Variants in R3HCC1L observed in about 807,000 individuals in gnomAD.
R3HCC1L encodes R3H domain and coiled-coil containing 1 like, also known as coiled-coil domain-containing protein R3HCC1L.
A neutral mutation model predicts 59.9 loss-of-function variants in R3HCC1L; 51 were observed. That is an observed-to-expected ratio of 0.85 (90% CI 0.68 to 1.07). The LOEUF (loss-of-function observed/expected upper bound fraction) is 1.07, where lower values mean the gene tolerates loss of function less well. Ranked by LOEUF, R3HCC1L falls within the 50% of genes least tolerant of loss-of-function variation. R3HCC1L has a pLI of 0.00. For missense variants in R3HCC1L, 965 were observed against 933.0 expected (o/e 1.03, Z -0.45); for synonymous variants, 322 against 315.2 (o/e 1.02, Z -0.23).
chr10:98,180,504 G>A (rs1347595842), intron 4 of R3HCC1L, among the ~76,000 whole-genome samples: 7 of 152,174 alleles, frequency 4.6e-5, no homozygotes, highest in Non-Finnish European at 7.3e-5. Flanking sequence ...TGGAATACGT[G>A]CCATGTGGTG....
At chr10:98,192,978 T>G (rs181064068) in intron 4 of R3HCC1L, among the ~76,000 whole-genome samples, 1 of 152,120 alleles carries the variant, frequency 6.6e-6, no homozygotes, top group East Asian at 1.9e-4. Context: ...GCTCAACATA[T>G]GAAAATCAAT....
At chr10:98,227,730 C>A (rs1021472047) in intron 5 of R3HCC1L, among the ~76,000 whole-genome samples, 5 of 152,054 alleles carry the variant, frequency 3.3e-5, no homozygotes, top group East Asian at 1.9e-4. Context: ...ATCCCTCCCC[C>A]CTTCCCCCAC....
intron 2 of R3HCC1L, among the ~76,000 whole-genome samples, chr10:98,156,709 C>A (rs1334867262): frequency 6.6e-6 from 1 of 152,118 alleles, no homozygotes; most frequent in African/African-American, 2.4e-5. Context: ...TTGGTTGGCA[C>A]TTGGGTATTT....
At chr10:98,135,595 G>A (rs1844489115) in intron 1 of R3HCC1L, among the ~76,000 whole-genome samples, 1 of 152,142 alleles carries the variant, frequency 6.6e-6, no homozygotes, top group Non-Finnish European at 1.5e-5. Context: ...AATAAATAGG[G>A]GGAAAGTGTC....
chr10:98,171,782 A>G (rs1458925074), intron 4 of R3HCC1L, among the ~76,000 whole-genome samples: 1 of 152,218 alleles, frequency 6.6e-6, no homozygotes, highest in Non-Finnish European at 1.5e-5. Flanking sequence ...ACTTTGACAC[A>G]ACATTCGATT....
chr10:98,209,239 A>C lies in R3HCC1L; in HGVS notation c.1125A>C (p.Ala375=). The C allele has an allele frequency of 6.2e-7, 1 of 1,613,930 alleles. No individual in the cohort carries two copies. The highest frequency in any genetic ancestry group is 8.5e-7 in the Non-Finnish European group (1 of 1,179,978). ...ATGTAGGTGACATTACCAATAAAGC[A>C]TGTATGATGGACACTACAGGTATGT... ...FKNVGDITNK[A]CMMDTTGMSC... Residue 375 remains alanine, a synonymous_variant, in exon 5 of 10, where the codon GCA becomes GCC. Transcript: ENST00000298999.
rs1250018630 is a variant in R3HCC1L, at chr10:98,231,571, T to C, written c.1845T>C (p.Asn615=). The change falls in exon 6 of 10, where the codon AAT becomes AAC. Residue 615 remains asparagine, a synonymous_variant. Transcript: ENST00000298999. ...SIQEPRSDYY[N]HEVPDIDLSD... The stretch of plus-strand genomic sequence containing the variant: ...AGGAACCTAGATCTGATTACTACAA[T>C]CATGAAGTTCCTGATATTGACCTCA... The C allele has an allele frequency of 1.9e-6, 3 of 1,612,944 alleles. No individual in the cohort carries two copies. The highest frequency in any genetic ancestry group is 1.7e-5 in the Admixed American group (1 of 59,906).
At chr10:98,151,650 CTGTT>C (rs897441694) in intron 1 of R3HCC1L, among the ~76,000 whole-genome samples, 3 of 152,072 alleles carry the variant, frequency 2.0e-5, no homozygotes, top group African/African-American at 4.8e-5. Context: ...TTTTTTAAGA[CTGTT>C]TGGCCTAAAC....
At chr10:98,163,155 A>T (rs1272639553) in intron 3 of R3HCC1L, 138 bp from the exon 4 acceptor site, 1 of 333,316 alleles carries the variant, frequency 3.0e-6, no homozygotes, top group Non-Finnish European at 5.4e-6. Context: ...GTGTGTCTTC[A>T]TTGCACATTC....
In R3HCC1L at chr10:98,210,874, A is replaced by C. The variant is rs73323901; in HGVS notation, c.1785+975A>C. Among the ~76,000 whole-genome samples the C allele has an allele frequency of 1.4e-3, 213 of 152,308 alleles. 1 individual carries two copies. Among genetic ancestry groups the C allele is most frequent in the African/African-American group, 4.9e-3 (202 of 41,562 alleles). On this transcript the variant is annotated intron_variant, in intron 5 of 9. Transcript: ENST00000298999. ...GATGAGTCTTTTGTTCTGAGAATTA[A>C]GCTGGAAGTATAGAAAAATTATCAC...
At chr10:98,215,033 T>C (rs1854008460) in intron 5 of R3HCC1L, among the ~76,000 whole-genome samples, 1 of 152,220 alleles carries the variant, frequency 6.6e-6, no homozygotes, top group South Asian at 2.1e-4. Context: ...CATTAGAATC[T>C]GTGCCTCCTG....
chr10:98,156,250 G>T (rs1347793770), intron 2 of R3HCC1L, 103 bp downstream of exon 2: 2 of 152,034 alleles, frequency 1.3e-5, no homozygotes, highest in Non-Finnish European at 2.9e-5. Flanking sequence ...TTTACCTCTT[G>T]CTTAGGTGGA....
At chr10:98,158,107 TAAG>T (rs1447792433) in intron 2 of R3HCC1L, among the ~76,000 whole-genome samples, 1 of 152,104 alleles carries the variant, frequency 6.6e-6, no homozygotes, top group East Asian at 1.9e-4. Context: ...AGGAAGAAAA[TAAG>T]AATCACTTTA....
In R3HCC1L at chr10:98,180,342, G is replaced by A. The variant is rs559164300; in HGVS notation, c.-15+16945G>A. Among the ~76,000 whole-genome samples, 6 of 152,290 alleles carry A rather than the reference G, an allele frequency of 3.9e-5. No individual in the cohort carries two copies. In the South Asian group the frequency reaches 1.2e-3, roughly 32 times the overall value. Reference sequence around the variant, plus strand: ...AAATAACGTCATTCAGGAGCAGGTTGTTCAGTTTCCACATAGTTATGTGGT... The same window carrying A: ...AAATAACGTCATTCAGGAGCAGGTTATTCAGTTTCCACATAGTTATGTGGT... On this transcript the variant is annotated intron_variant, in intron 4 of 9. Coordinates refer to ENST00000298999, the MANE Select transcript of R3HCC1L (RefSeq NM_001351015.2).
intron 5 of R3HCC1L, among the ~76,000 whole-genome samples, chr10:98,218,044 C>T (rs935649000): frequency 2.4e-4 from 37 of 152,096 alleles, no homozygotes; most frequent in Admixed American, 6.5e-5. Context: ...TCAAGTACTA[C>T]GATGAATAAG....
intron 1 of R3HCC1L, among the ~76,000 whole-genome samples, chr10:98,145,426 C>G (rs1256709267): frequency 6.6e-6 from 1 of 152,158 alleles, no homozygotes; most frequent in Non-Finnish European, 1.5e-5. Context: ...GAAAGGATCT[C>G]AGATAGGTCT....
chr10:98,150,993 T>G (rs1846100411), intron 1 of R3HCC1L, among the ~76,000 whole-genome samples: 1 of 152,190 alleles, frequency 6.6e-6, no homozygotes, highest in South Asian at 2.1e-4. Context: ...ATTTTCTGCA[T>G]TCTTGGTGCT....
intron 5 of R3HCC1L, among the ~76,000 whole-genome samples, chr10:98,215,636 T>A (rs1854106698): frequency 2.0e-5 from 3 of 152,196 alleles, no homozygotes; most frequent in Admixed American, 2.0e-4. Context: ...TGTTGCAGAA[T>A]TCTTAAGACA....
At position 98,227,581 on chromosome 10, in the gene R3HCC1L, T is replaced by G. The variant is rs867689537; in HGVS notation, c.1786-3931T>G. ...TTGGGTCATCAGCAGTGTGTGTTTT[T>G]TTTTTTTTTTTTAATTATACTTTAA... On this transcript the variant is annotated intron_variant, in intron 5 of 9. Transcript: ENST00000298999. Among the ~76,000 whole-genome samples, 909 of 151,282 alleles carry G rather than the reference T, an allele frequency of 6.0e-3. 5 individuals carry two copies. The highest frequency in any genetic ancestry group is 0.02 in the African/African-American group (848 of 41,392).
Sources: allele counts gnomAD v4.1 joint callset (sites outside exome capture counted in the v4.1 genomes callset), GRCh38; gene constraint gnomAD v4.1.1; transcripts MANE v1.5; gene names NCBI Gene and HGNC (gene_info 2026-07-23, HGNC 2026-07-21).